Variants in MAP3K13 observed in about 807,000 individuals in gnomAD.
MAP3K13 encodes leucine zipper-bearing kinase.
A neutral mutation model predicts 104.0 loss-of-function variants in MAP3K13; 52 were observed. The ratio of observed to expected loss-of-function variants is 0.50; its 90% CI spans 0.40 to 0.63. The LOEUF is 0.63. Among genes scored for constraint, MAP3K13 ranks in the 20% least tolerant of loss-of-function variants. The pLI, the probability that MAP3K13 is intolerant of heterozygous loss-of-function variation, is 0.00. For missense variants in MAP3K13, 914 were observed against 1,218.5 expected (o/e 0.75, Z 3.72); for synonymous variants, 394 against 442.2 (o/e 0.89, Z 1.37).
rs781151723 is a variant in MAP3K13, at chr3:185,444,010, A to G, written c.851+374A>G. 1.2e-4 allele frequency among the ~76,000 whole-genome samples: 18 copies of G among 152,230 alleles called. 1 individual carries two copies. The highest frequency in any genetic ancestry group is 2.4e-4 in the Non-Finnish European group (16 of 68,040). On this transcript the variant is annotated intron_variant, in intron 4 of 13. Transcript: ENST00000265026. ...AAAAACTTTTTAAACTGAGTTTCAG[A>G]AATGTATACAACAGGATAAAATGGA... is the stretch of plus-strand genomic sequence containing the variant.
At chr3:185,385,392 C>T (rs771974321) in intron 1 of MAP3K13, among the ~76,000 whole-genome samples, 12 of 152,046 alleles carry the variant, frequency 7.9e-5, no homozygotes, top group African/African-American at 4.8e-5. Flanking sequence ...AGGCTGGTCT[C>T]GAACTCCTGG....
At chr3:185,413,180 G>T (rs551527517) in intron 1 of MAP3K13, among the ~76,000 whole-genome samples, 1 of 152,328 alleles carries the variant, frequency 6.6e-6, no homozygotes, top group East Asian at 1.9e-4. Flanking sequence ...AAACATGGTT[G>T]CAAACCTGTC....
chr3:185,443,505 A>G lies in MAP3K13; in HGVS notation c.720A>G (p.Gln240=). The change falls in exon 4 of 14, where the codon CAA becomes CAG. Residue 240 remains glutamine, a synonymous_variant. Transcript: ENST00000265026. ...TCATGGAATACTGTGCCCATGGACAACTCTACGAGGTCTTACGAGCTGGCA... is the reference window on the plus strand; with the variant it reads ...TCATGGAATACTGTGCCCATGGACAGCTCTACGAGGTCTTACGAGCTGGCA... ...CIIMEYCAHG[Q]LYEVLRAGRK... is the part of the protein sequence containing the mutation. The G allele has an allele frequency of 6.2e-7, 1 of 1,613,790 alleles. No homozygotes were observed. The highest frequency in any genetic ancestry group is 8.5e-7 in the Non-Finnish European group (1 of 1,179,944).
In MAP3K13 at chr3:185,455,823, T is replaced by C. The variant is rs1293484868; in HGVS notation, c.1278+4428T>C. Among the ~76,000 whole-genome samples, 5 of 115,042 alleles carry C rather than the reference T, an allele frequency of 4.3e-5. No individual in the cohort carries two copies. In the East Asian group the frequency reaches 1.2e-3, roughly 29 times the overall value. 75.5% of individuals were successfully genotyped at this position (115,042 alleles called of 152,430 possible). Reference sequence around the variant, plus strand: ...AGATATATGAGATATATATATGAGATATATATGAGATATATATATGAGATA... The same window carrying C: ...AGATATATGAGATATATATATGAGACATATATGAGATATATATATGAGATA... On this transcript the variant is annotated intron_variant, in intron 7 of 13. Transcript: ENST00000265026.
chr3:185,416,192 A>T (rs776222770), intron 1 of MAP3K13, among the ~76,000 whole-genome samples: 1 of 152,146 alleles, frequency 6.6e-6, no homozygotes, highest in Non-Finnish European at 1.5e-5. Flanking sequence ...TTCTATATAT[A>T]TCAACCCGTT....
At chr3:185,323,954 T>G (rs1371178545) in intron 2 of MAP3K13, among the ~76,000 whole-genome samples, 1 of 152,182 alleles carries the variant, frequency 6.6e-6, no homozygotes, top group Non-Finnish European at 1.5e-5. Context: ...GTCATTGTAC[T>G]TTTAATTTTG....
At chr3:185,425,042 T>C (rs778337366) in intron 1 of MAP3K13, among the ~76,000 whole-genome samples, 2 of 152,226 alleles carry the variant, frequency 1.3e-5, no homozygotes, top group African/African-American at 2.4e-5. Context: ...TGTTTGTATT[T>C]TTTGTACTTT....
At chr3:185,382,550 C>T (rs1179138505) in intron 1 of MAP3K13, among the ~76,000 whole-genome samples, 1 of 152,138 alleles carries the variant, frequency 6.6e-6, no homozygotes, top group African/African-American at 2.4e-5. Flanking sequence ...TTTGCCCCTC[C>T]AAACCCATCT....
At chr3:185,437,029 AAAAT>A (rs568523122) in intron 2 of MAP3K13, among the ~76,000 whole-genome samples, 2,115 of 124,430 alleles carry the variant, frequency 0.017, 102 homozygotes, top group Non-Finnish European at 0.026. Context: ...AAAAAAAAAA[AAAAT>A]TAGCAAAGAT....
intron 2 of MAP3K13, among the ~76,000 whole-genome samples, chr3:185,309,423 G>T (rs1289175021): frequency 6.6e-6 from 1 of 151,534 alleles, no homozygotes; most frequent in East Asian, 1.9e-4. Context: ...GAGGTGCGAG[G>T]GTCGCTTGAG....
chr3:185,287,497 G>A (rs1295188351), intron 2 of MAP3K13, among the ~76,000 whole-genome samples: 1 of 152,112 alleles, frequency 6.6e-6, no homozygotes, highest in Non-Finnish European at 1.5e-5. Context: ...GAAAATTCTG[G>A]TGACTTTTAC....
chr3:185,402,256 C>T (rs1712856448), intron 1 of MAP3K13, among the ~76,000 whole-genome samples: 3 of 152,234 alleles, frequency 2.0e-5, no homozygotes, highest in East Asian at 1.9e-4. Flanking sequence ...AAAAGCCTCT[C>T]GGGCCTTAGC....
chr3:185,454,827 A>G (rs1266730498), intron 7 of MAP3K13, among the ~76,000 whole-genome samples: 73 of 108,370 alleles, frequency 6.7e-4, no homozygotes, highest in African/African-American at 2.5e-3. Flanking sequence ...TATATGAGAT[A>G]TATACATGAT....
chr3:185,472,854 T>C (rs1413275552), intron 10 of MAP3K13, 121 bp from the exon 11 acceptor site: 6 of 912,454 alleles, frequency 6.6e-6, no homozygotes, highest in Non-Finnish European at 1.0e-5. Flanking sequence ...GTTATCTCTA[T>C]TGGATAAATC....
chr3:185,296,218 T>C (rs1229206026), intron 2 of MAP3K13, among the ~76,000 whole-genome samples: 1 of 152,226 alleles, frequency 6.6e-6, no homozygotes, highest in Non-Finnish European at 1.5e-5. Context: ...CACTCCAGCC[T>C]GGGTAACAGA....
At chr3:185,408,583 A>G (rs78358809) in intron 1 of MAP3K13, among the ~76,000 whole-genome samples, 6,642 of 147,676 alleles carry the variant, frequency 0.045, 235 homozygotes, top group East Asian at 0.2. Context: ...AAAAAAAAAA[A>G]GAAGCCGATT....
rs188658679 is a variant in MAP3K13 at position 185,395,963 on chromosome 3, G to A, written c.-85-32534G>A. On this transcript the variant is annotated intron_variant, in intron 1 of 13. Coordinates refer to ENST00000265026, the MANE Select transcript of MAP3K13 (RefSeq NM_004721.5). ...CAAAGTGTTGGGATTACAGGCATGA[G>A]CCACTGCGTCTGGCCCTAATTTAGC... Among the ~76,000 whole-genome samples, 683 of 152,188 alleles carry A rather than the reference G, an allele frequency of 4.5e-3. 5 individuals are homozygous for A. The highest frequency in any genetic ancestry group is 0.016 in the African/African-American group (654 of 41,544).
At chr3:185,291,510 T>C (rs1349373568) in intron 2 of MAP3K13, 5 of 1,052,810 alleles carry the variant, frequency 4.7e-6, no homozygotes, top group Non-Finnish European at 6.6e-6. Context: ...GCATGGTATC[T>C]AGTAATCTGA....
At chr3:185,372,086 T>C (rs539978605) in intron 1 of MAP3K13, among the ~76,000 whole-genome samples, 5 of 152,320 alleles carry the variant, frequency 3.3e-5, no homozygotes, top group South Asian at 4.1e-4. Flanking sequence ...TCACCAATTA[T>C]TTCCTCTCCC....
Sources: allele counts gnomAD v4.1 joint callset (sites outside exome capture counted in the v4.1 genomes callset), GRCh38; gene constraint gnomAD v4.1.1; transcripts MANE v1.5; gene names NCBI Gene and HGNC (gene_info 2026-07-23, HGNC 2026-07-21).